Variants in SHTN1 observed in about 807,000 individuals in gnomAD.
SHTN1 encodes the protein shootin-1.
In SHTN1, 42 loss-of-function variants were observed where a neutral mutation model predicts 83.1. The observed-to-expected ratio is 0.51, with a 90% confidence interval of 0.39 to 0.65. The LOEUF is 0.65. Among genes scored for constraint, SHTN1 ranks in the 30% least tolerant of loss-of-function variants. The pLI, the probability that SHTN1 is intolerant of heterozygous loss-of-function variation, is 0.00. For missense variants in SHTN1, 622 were observed against 737.8 expected (o/e 0.84, Z 1.82); for synonymous variants, 224 against 247.7 (o/e 0.90, Z 0.90).
At chr10:116,964,215 G>C (rs1047943974) in intron 3 of SHTN1, among the ~76,000 whole-genome samples, 32 of 152,316 alleles carry the variant, frequency 2.1e-4, no homozygotes, top group African/African-American at 6.5e-4. Context: ...TGTTGAGCCT[G>C]ACTATGTGTC....
At chr10:117,031,427 CTAA>C (rs1852411491) in intron 2 of SHTN1, among the ~76,000 whole-genome samples, 1 of 152,138 alleles carries the variant, frequency 6.6e-6, no homozygotes, top group South Asian at 2.1e-4. Context: ...AAACTCACTG[CTAA>C]TAATAAGTAC....
rs1237814277 is a variant in SHTN1 at position 116,883,501 on chromosome 10, T to C, written c.*2843A>G. 2 of 152,192 alleles carry C rather than the reference T, an allele frequency of 1.3e-5. No homozygotes were observed. The highest frequency in any genetic ancestry group is 2.9e-5 in the Non-Finnish European group (2 of 68,050). The allele number at this position is 152,192 out of a possible 1,614,324, so 9.4% of individuals were successfully genotyped here. ...TTATCCATTCTCGACAACTTACTGG[T>C]ATATAAGCTAATGTTGTTCCACAAC... On this transcript the variant is annotated 3_prime_UTR_variant, in exon 17 of 17. Coordinates refer to ENST00000355371, the MANE Select transcript of SHTN1 (RefSeq NM_001127211.3).
rs1395626092 is a variant in SHTN1, at chr10:116,885,289, A to C, written c.*1055T>G. ...ATCATTGTCATAAAAAGTGCATTCA[A>C]GTACATTACCACTTATTTTAAATAA... On this transcript the variant is annotated 3_prime_UTR_variant, in exon 17 of 17. Coordinates refer to ENST00000355371, the MANE Select transcript of SHTN1 (RefSeq NM_001127211.3). The C allele has an allele frequency of 1.3e-5, 2 of 152,674 alleles. No homozygotes were observed. Among genetic ancestry groups the C allele is most frequent in the African/African-American group, 2.4e-5 (1 of 41,470 alleles). 9.5% of individuals were successfully genotyped at this position (152,674 alleles called of 1,614,324 possible).
At chr10:116,900,409 C>A in intron 16 of SHTN1, 2 of 792,538 alleles carry the variant, frequency 2.5e-6, no homozygotes, top group Non-Finnish European at 2.1e-6. Flanking sequence ...GTCAATTCAA[C>A]ACATATTTTG....
intron 16 of SHTN1, among the ~76,000 whole-genome samples, chr10:116,895,080 T>C (rs1847469800): frequency 6.6e-6 from 1 of 152,190 alleles, no homozygotes; most frequent in Admixed American, 6.5e-5. Context: ...TAGAATAAAG[T>C]GGATACAATA....
intron 1 of SHTN1, among the ~76,000 whole-genome samples, chr10:117,053,565 C>T (rs1479901427): frequency 6.6e-6 from 1 of 152,112 alleles, no homozygotes; most frequent in Non-Finnish European, 1.5e-5. Flanking sequence ...CAATGAGATA[C>T]TATTTCATAC....
At chr10:116,901,090 TTTTC>T (rs1401501799) in intron 16 of SHTN1, 4 of 985,196 alleles carry the variant, frequency 4.1e-6, no homozygotes, top group Middle Eastern at 1.0e-3. Context: ...CACCTCTTCC[TTTTC>T]TTTAAGTGAC....
At chr10:116,958,800 TAC>T (rs2133438064) in intron 4 of SHTN1, among the ~76,000 whole-genome samples, 1 of 152,334 alleles carries the variant, frequency 6.6e-6, no homozygotes, top group Admixed American at 6.5e-5. Context: ...GATGAGATAC[TAC>T]ACTCCAGAGA....
At chr10:116,928,643 A>G (rs1848835064) in intron 10 of SHTN1, among the ~76,000 whole-genome samples, 1 of 152,208 alleles carries the variant, frequency 6.6e-6, no homozygotes, top group African/African-American at 2.4e-5. Flanking sequence ...CTCCCCATCC[A>G]CAGCCATTCC....
At chr10:117,006,882 G>T (rs1018579691), upstream of SHTN1, among the ~76,000 whole-genome samples, 4 of 151,546 alleles carry the variant, frequency 2.6e-5, no homozygotes, top group Non-Finnish European at 5.9e-5. Flanking sequence ...GTGTCTTTCT[G>T]ATACTCACTA....
chr10:117,073,300 C>CA (rs1388868493), intron 1 of SHTN1, among the ~76,000 whole-genome samples: 2 of 152,166 alleles, frequency 1.3e-5, no homozygotes, highest in East Asian at 3.9e-4. Flanking sequence ...CAAATAACTA[C>CA]AAAAACGGCA....
At chr10:116,961,133 T>A (rs1005702729) in intron 3 of SHTN1, among the ~76,000 whole-genome samples, 1 of 150,636 alleles carries the variant, frequency 6.6e-6, no homozygotes, top group Non-Finnish European at 1.5e-5. Flanking sequence ...AAAAAAAAAA[T>A]TAAAGGACAC....
chr10:117,084,742 G>A (rs1225347785), intron 1 of SHTN1, among the ~76,000 whole-genome samples: 12 of 152,162 alleles, frequency 7.9e-5, no homozygotes, highest in African/African-American at 1.4e-4. Flanking sequence ...CTCGTGGTGC[G>A]CCGTTTTTTA....
Position 116,881,614 on chromosome 10 carries a change from C to A in SHTN1, c.*4730G>T. 1 of 1,550,470 alleles carries A rather than the reference C, an allele frequency of 6.4e-7. No individual in the cohort carries two copies. On this transcript the variant is annotated 3_prime_UTR_variant, in exon 17 of 17. Transcript: ENST00000355371. ...GCGGCTAGGGAGCCGCTGGTGCCCA[C>A]CTTCCCCACACAAGGTGTAGAGGAA... is the stretch of plus-strand genomic sequence containing the variant.
At chr10:116,909,903 C>T (rs1589798047) in intron 14 of SHTN1, among the ~76,000 whole-genome samples, 1 of 152,066 alleles carries the variant, frequency 6.6e-6, no homozygotes, top group Non-Finnish European at 1.5e-5. Context: ...CCCCTGGTAC[C>T]AGTGCTTGTG....
At chr10:116,976,174 C>T (rs1162259651) in intron 2 of SHTN1, among the ~76,000 whole-genome samples, 2 of 152,188 alleles carry the variant, frequency 1.3e-5, no homozygotes, top group Non-Finnish European at 2.9e-5. Flanking sequence ...AGACACACTG[C>T]TGTGTAGAGC....
chr10:117,059,235 G>A (rs1375204227), intron 1 of SHTN1, among the ~76,000 whole-genome samples: 3 of 152,098 alleles, frequency 2.0e-5, no homozygotes, highest in African/African-American at 7.2e-5. Context: ...TAGAGAAACT[G>A]AATCACTCAC....
chr10:116,905,858 G>C (rs772075397), intron 15 of SHTN1, among the ~76,000 whole-genome samples: 1 of 152,122 alleles, frequency 6.6e-6, no homozygotes, highest in Non-Finnish European at 1.5e-5. Context: ...TCCCATGACC[G>C]AGCTGATGAA....
chr10:117,031,292 CCAGA>C (rs1477523688), intron 2 of SHTN1, among the ~76,000 whole-genome samples: 1 of 152,084 alleles, frequency 6.6e-6, no homozygotes, highest in African/African-American at 2.4e-5. Context: ...ATAAGCTTTC[CCAGA>C]CAAACAAAAG....
Sources: gnomAD v4.1 joint callset for allele counts (sites outside exome capture counted in the v4.1 genomes callset) on GRCh38, gnomAD v4.1.1 for gene constraint, MANE v1.5 for transcripts, NCBI Gene and HGNC (gene_info 2026-07-23, HGNC 2026-07-21) for gene names.